Variants in ZNF227 observed in about 807,000 individuals in gnomAD.
The protein encoded by ZNF227 is zinc finger protein 227.
Under a neutral mutation model 13.2 loss-of-function variants are expected in ZNF227, and 12 were observed. The observed-to-expected ratio is 0.91, with a 90% CI of 0.58 to 1.47. The LOEUF is 1.47. ZNF227 is among the 40% of genes most tolerant of loss of function. The probability of loss-of-function intolerance (pLI) is 0.00; values close to 1 mark genes in which losing one functional copy is unlikely to be tolerated. For missense variants in ZNF227, 885 were observed against 967.5 expected (o/e 0.91, Z 1.13); for synonymous variants, 338 against 326.0 (o/e 1.04, Z -0.40).
chr19:44,219,675 C>G (rs1424309392), intron 3 of ZNF227, among the ~76,000 whole-genome samples: 1 of 151,836 alleles, frequency 6.6e-6, no homozygotes, highest in Non-Finnish European at 1.5e-5. Flanking sequence ...TGTACTGTTG[C>G]ATGAAGAGTG....
At chr19:44,229,396 G>T (rs940925563) in intron 4 of ZNF227, among the ~76,000 whole-genome samples, 1 of 152,290 alleles carries the variant, frequency 6.6e-6, no homozygotes, top group African/African-American at 2.4e-5. Flanking sequence ...TGGATCACTT[G>T]AGGTCACGAG....
rs376850219 is a variant in ZNF227, at chr19:44,235,639, G to C, written c.1209G>C (p.Arg403Ser). 2 of 1,613,468 alleles carry C rather than the reference G, an allele frequency of 1.2e-6. No individual in the cohort carries two copies. The highest frequency in any genetic ancestry group is 1.7e-6 in the Non-Finnish European group (2 of 1,179,862). ...TCCGTGTTCACCAGAGGGTCCACAG[G>C]GGTGAGAAGCCCTATAAATGTGAGG... ...VNLRVHQRVHRGEKPYKCEEC... is the reference protein window; with the variant it reads ...VNLRVHQRVHSGEKPYKCEEC... The change falls in exon 6 of 6, where the codon AGG (arginine) becomes AGC (serine). Residue 403 changes from arginine (R) to serine (S), a missense_variant. Transcript: ENST00000313040.
Position 44,230,304 on chromosome 19 carries a change from C to T in ZNF227, c.271+488C>T, listed in dbSNP as rs111510715. Among the ~76,000 whole-genome samples the T allele has an allele frequency of 8.2e-3, 1,251 of 152,208 alleles. 22 individuals carry two copies. Among genetic ancestry groups the T allele is most frequent in the African/African-American group, 0.028 (1,159 of 41,520 alleles). ...TGCTGGGATTACAGATGTGAGTTGC[C>T]GCACCCGGCCCAGAATGGTTCTTTA... is the stretch of plus-strand genomic sequence containing the variant. On this transcript the variant is annotated intron_variant, in intron 5 of 5. Coordinates refer to ENST00000313040, the MANE Select transcript of ZNF227 (RefSeq NM_182490.3).
At chr19:44,215,050 C>T (rs141466065) in intron 2 of ZNF227, among the ~76,000 whole-genome samples, 236 of 152,194 alleles carry the variant, frequency 1.6e-3, no homozygotes, top group African/African-American at 5.5e-3. Context: ...TGGAACCTAT[C>T]ATCCCCAAAC....
intron 2 of ZNF227, among the ~76,000 whole-genome samples, chr19:44,214,003 A>G (rs1453385922): frequency 6.6e-6 from 1 of 152,232 alleles, no homozygotes; most frequent in African/African-American, 2.4e-5. Flanking sequence ...AGTGTTAAAT[A>G]CACACTGGAT....
intron 3 of ZNF227, among the ~76,000 whole-genome samples, chr19:44,224,834 C>G (rs556513395): frequency 1.1e-4 from 17 of 152,070 alleles, no homozygotes; most frequent in Admixed American, 1.1e-3. Flanking sequence ...TTATTTTGCT[C>G]GTTAGTTGAT....
chr19:44,213,485 A>G (rs1357218169), intron 2 of ZNF227: 1 of 152,202 alleles, frequency 6.6e-6, no homozygotes. Context: ...TGTTATGAGG[A>G]AATTAGGCAG....
intron 2 of ZNF227, among the ~76,000 whole-genome samples, chr19:44,217,119 C>T (rs903249865): frequency 4.0e-5 from 6 of 151,814 alleles, no homozygotes; most frequent in East Asian, 3.9e-4. Flanking sequence ...CGCACCACCA[C>T]GCCTGGCTGA....
In ZNF227 at chr19:44,225,559, C is replaced by T. The variant is rs1306388262; in HGVS notation, c.61-2887C>T. On this transcript the variant is annotated intron_variant, in intron 3 of 5. Transcript: ENST00000313040. ...TACCCTTTCTTCCAGTTGATCGCAT[C>T]GGCTCCTGAGGCTTCTGCATTCTTC... 7.2e-5 allele frequency among the ~76,000 whole-genome samples: 11 copies of T among 152,250 alleles called. No homozygotes were observed. The East Asian group carries it at 9.6e-4, about 13-fold the overall frequency.
chr19:44,230,948 T>C (rs1396260352), intron 5 of ZNF227, among the ~76,000 whole-genome samples: 2 of 134,468 alleles, frequency 1.5e-5, no homozygotes, highest in African/African-American at 3.0e-5. Flanking sequence ...TATATATATA[T>C]ATATATCTTA....
chr19:44,236,291 G>T lies in ZNF227; in HGVS notation c.1861G>T (p.Val621Leu), dbSNP rs749329934. Residue 621 changes from valine (V) to leucine (L), a missense_variant, in exon 6 of 6, where the codon GTA (valine) becomes TTA (leucine). Val to Leu is a conservative substitution (Grantham distance 32, BLOSUM62 1). Transcript: ENST00000313040. ...CTTCAGTCAGGCCATAGATTTTCGGGTACATCAGAGAGTCCATACTGGAGA... is the reference window on the plus strand; with the variant it reads ...CTTCAGTCAGGCCATAGATTTTCGGTTACATCAGAGAGTCCATACTGGAGA... ...KSFSQAIDFRVHQRVHTGEKP... is the reference protein window; with the variant it reads ...KSFSQAIDFRLHQRVHTGEKP... The T allele has an allele frequency of 6.2e-7, 1 of 1,613,338 alleles. No individual in the cohort carries two copies. Among genetic ancestry groups the T allele is most frequent in the East Asian group, 2.2e-5 (1 of 44,768 alleles).
chr19:44,229,742 C>T lies in ZNF227; in HGVS notation c.197C>T (p.Pro66Leu). 6.4e-7 allele frequency: 1 copy of T among 1,572,934 alleles called. No homozygotes were observed. Among genetic ancestry groups the T allele is most frequent in the South Asian group, 1.2e-5 (1 of 84,898 alleles). Residue 66 changes from proline (P) to leucine (L), a missense_variant, in exon 5 of 6, where the codon CCC becomes CTC. Transcript: ENST00000313040. ...FKNLVAVGHL[P>L]FQPDMVSQLE... is the part of the protein sequence containing the mutation. The stretch of plus-strand genomic sequence containing the variant: ...ATCTACATTTTCATAGGGCATCTTC[C>T]CTTCCAACCAGATATGGTATCCCAA...
rs1973585310 is a variant in ZNF227, at chr19:44,229,712, TA to T, written c.188-16del. 1 of 1,540,836 alleles carries T rather than the reference TA, an allele frequency of 6.5e-7. No individual in the cohort carries two copies. The highest frequency in any genetic ancestry group is 1.2e-5 in the South Asian group (1 of 81,130). On this transcript the variant is annotated intron_variant, in intron 4 of 5. Coordinates refer to ENST00000313040, the MANE Select transcript of ZNF227 (RefSeq NM_182490.3). ...TAGTTGTGTGTTCATCTTAAATACA[TA>T]AAAATCTACATTTTCATAGGGCATC...
rs1024120614 is a variant in ZNF227, at chr19:44,231,702, C to A, written c.271+1886C>A. 2.0e-5 allele frequency among the ~76,000 whole-genome samples: 3 copies of A among 152,184 alleles called. No homozygotes were observed. In the East Asian group the frequency reaches 5.8e-4, roughly 29 times the overall value. ...ATGGAGACAAGTAGATATCACATCC[C>A]TTTTACTCAGAGTTAGCTCATAGAT... On this transcript the variant is annotated intron_variant, in intron 5 of 5. Coordinates refer to ENST00000313040, the MANE Select transcript of ZNF227 (RefSeq NM_182490.3).
At chr19:44,214,956 A>C (rs1278890228) in intron 2 of ZNF227, among the ~76,000 whole-genome samples, 1 of 151,832 alleles carries the variant, frequency 6.6e-6, no homozygotes, top group Non-Finnish European at 1.5e-5. Context: ...GGGGCATTAG[A>C]TTCTCATAGG....
intron 2 of ZNF227, among the ~76,000 whole-genome samples, chr19:44,216,286 T>C (rs1304107618): frequency 6.6e-6 from 1 of 152,062 alleles, no homozygotes; most frequent in Non-Finnish European, 1.5e-5. Flanking sequence ...GAATTCAGGT[T>C]GACAGTTTCT....
At chr19:44,230,001 C>T (rs1234302191) in intron 5 of ZNF227, among the ~76,000 whole-genome samples, 185 bp downstream of exon 5, 1 of 151,896 alleles carries the variant, frequency 6.6e-6, no homozygotes, top group African/African-American at 2.4e-5. Flanking sequence ...AAATGGTAGC[C>T]GGAGTGGTTC....
chr19:44,213,879 T>C (rs948387670), intron 2 of ZNF227: 1 of 152,214 alleles, frequency 6.6e-6, no homozygotes, highest in Non-Finnish European at 1.5e-5. Flanking sequence ...ATATTCTAGT[T>C]ATAGAAGTAA....
chr19:44,231,011 A>C (rs148642107), intron 5 of ZNF227, among the ~76,000 whole-genome samples: 1 of 148,576 alleles, frequency 6.7e-6, no homozygotes, highest in East Asian at 2.0e-4. Context: ...AGGAGCATCA[A>C]GTGAGCCCAG....
Sources: allele counts gnomAD v4.1 joint callset (sites outside exome capture counted in the v4.1 genomes callset), GRCh38; gene constraint gnomAD v4.1.1; transcripts MANE v1.5; gene names NCBI Gene and HGNC (gene_info 2026-07-23, HGNC 2026-07-21).